The following CACNA1B variants were observed in gnomAD, a reference collection of about 807,000 sequenced individuals.
CACNA1B encodes the protein voltage-dependent N-type calcium channel subunit alpha-1B.
In CACNA1B, 70 loss-of-function variants were observed where a neutral mutation model predicts 247.2. The observed-to-expected ratio is 0.28, with a 90% confidence interval of 0.23 to 0.35. CACNA1B has a LOEUF of 0.35. Among genes scored for constraint, CACNA1B ranks in the 10% least tolerant of loss-of-function variants. The pLI is 1.00. For missense variants in CACNA1B, 2,367 were observed against 3,197.4 expected, an observed-to-expected ratio of 0.74 and a Z score of 6.26; for synonymous variants, 1,231 against 1,294.4, an observed-to-expected ratio of 0.95 and a Z score of 1.05.
rs1017060469 is a variant in CACNA1B at position 138,081,510 on chromosome 9, A to G, written c.5094+3252A>G. Among the ~76,000 whole-genome samples the G allele has an allele frequency of 1.8e-4, 26 of 144,218 alleles. 1 individual carries two copies. Among genetic ancestry groups the G allele is most frequent in the African/African-American group, 7.1e-4 (26 of 36,700 alleles). The allele number at this position is 144,218 out of a possible 152,430, so 94.6% of individuals were successfully genotyped here. On this transcript the variant is annotated intron_variant, in intron 36 of 46. Transcript: ENST00000371372. Reference sequence around the variant, plus strand: ...GAAAAAATGGGACTGTGAATTTGGGATGGGTGGCAGGACTTCGTTAGGTTG... The same window carrying G: ...GAAAAAATGGGACTGTGAATTTGGGGTGGGTGGCAGGACTTCGTTAGGTTG...
chr9:137,937,805 G>C (rs902412225), intron 6 of CACNA1B, among the ~76,000 whole-genome samples: 4 of 151,816 alleles, frequency 2.6e-5, no homozygotes, highest in African/African-American at 9.7e-5. Flanking sequence ...AAATTAGCTG[G>C]GAATGGTGGT....
chr9:138,053,818 C>A, intron 25 of CACNA1B, 28 bp from the exon 26 acceptor site: 1 of 1,591,794 alleles, frequency 6.3e-7, no homozygotes, highest in Non-Finnish European at 8.6e-7. Context: ...TCCACCCCCT[C>A]ATCATGGCTC....
chr9:138,117,589 C>A (rs1564296085), intron 42 of CACNA1B, among the ~76,000 whole-genome samples: 1 of 152,230 alleles, frequency 6.6e-6, no homozygotes, highest in Non-Finnish European at 1.5e-5. Flanking sequence ...TCCCACTTCA[C>A]AGATCAGCCT....
chr9:138,011,431 C>T lies in CACNA1B; in HGVS notation c.2160+1354C>T, dbSNP rs961336702. Among the ~76,000 whole-genome samples the T allele has an allele frequency of 6.6e-6, 1 of 152,144 alleles. No individual in the cohort carries two copies. The highest frequency in any genetic ancestry group is 2.4e-5 in the African/African-American group (1 of 41,424). On this transcript the variant is annotated intron_variant, in intron 17 of 46. Transcript: ENST00000371372. This position sits in a 1 kb window ranked among gnomAD's most constrained non-coding sequence, Gnocchi z 4.2. ...CTCTGAGGATCGGGGCCACTGGGGG[C>T]CTGTCTGTGTCTGGCTGTGGGCATT...
rs963159627 is a variant in CACNA1B at position 138,054,128 on chromosome 9, C to A, written c.3968+122C>A. The A allele has an allele frequency of 2.2e-6, 2 of 912,134 alleles. No homozygotes were observed. The highest frequency in any genetic ancestry group is 4.1e-5 in the Admixed American group (2 of 48,542). 56.5% of individuals were successfully genotyped at this position (912,134 alleles called of 1,614,324 possible). ...TGGGAGACTCCACTGCAGAGCATCA[C>A]GGACCCTGCCTGAGGGCCGAGGAGG... On this transcript the variant is annotated intron_variant, in intron 26 of 46. Coordinates refer to ENST00000371372, the MANE Select transcript of CACNA1B (RefSeq NM_000718.4). The surrounding 1 kb of genome is among the most constrained non-coding windows in gnomAD (Gnocchi z 4.6).
At chr9:137,947,904 C>A (rs985391995) in intron 6 of CACNA1B, among the ~76,000 whole-genome samples, 82 of 150,726 alleles carry the variant, frequency 5.4e-4, no homozygotes, top group African/African-American at 1.8e-3. Context: ...ATGTGTTTGC[C>A]TGGGGTTTGC....
Position 138,011,712 on chromosome 9 carries a change from G to A in CACNA1B, c.2161-1417G>A, listed in dbSNP as rs1354396747. ...CCTGGGTGTGGGTGTTTCACGCTGG[G>A]TCTGGCTTTGCCTCCTCTCTGGGCT... On this transcript the variant is annotated intron_variant, in intron 17 of 46. Transcript: ENST00000371372. This position sits in a 1 kb window ranked among gnomAD's most constrained non-coding sequence, Gnocchi z 4.2. Among the ~76,000 whole-genome samples the A allele has an allele frequency of 6.6e-6, 1 of 152,210 alleles. No homozygotes were observed. Among genetic ancestry groups the A allele is most frequent in the African/African-American group, 2.4e-5 (1 of 41,450 alleles).
chr9:137,879,399 G>T (rs983645547), intron 2 of CACNA1B, among the ~76,000 whole-genome samples: 2 of 152,244 alleles, frequency 1.3e-5, no homozygotes, highest in Non-Finnish European at 2.9e-5. Flanking sequence ...CCTGTGCCAC[G>T]AGCTACTCCT....
At chr9:138,118,907 G>A (rs1961973628) in intron 44 of CACNA1B, 139 bp downstream of exon 44, 1 of 598,998 alleles carries the variant, frequency 1.7e-6, no homozygotes, top group Non-Finnish European at 2.9e-6. Context: ...CTTTGCTGAG[G>A]CAGGAGCAGG....
intron 6 of CACNA1B, among the ~76,000 whole-genome samples, chr9:137,918,353 G>C (rs1019275790): frequency 2.6e-5 from 4 of 152,104 alleles, no homozygotes; most frequent in African/African-American, 9.7e-5. Flanking sequence ...TGTCCCCTCT[G>C]TGAGTCCTGT....
At chr9:138,115,801 C>T (rs2131368160) in intron 42 of CACNA1B, 122 bp downstream of exon 42, 2 of 1,038,262 alleles carry the variant, frequency 1.9e-6, no homozygotes, top group East Asian at 2.6e-5. Flanking sequence ...CTGGGTTCAC[C>T]AGCTTGGAGG....
At chr9:137,934,898 T>C (rs1010909023) in intron 6 of CACNA1B, among the ~76,000 whole-genome samples, 1 of 152,080 alleles carries the variant, frequency 6.6e-6, no homozygotes, top group African/African-American at 2.4e-5. Context: ...AAACCAACTC[T>C]GACAATATGA....
chr9:137,954,879 T>TGTGTGTGA lies in CACNA1B; in HGVS notation c.1071-818_1071-817insTGTGTGAG, dbSNP rs1440887333. Among the ~76,000 whole-genome samples, 1 of 145,194 alleles carries TGTGTGTGA rather than the reference T, an allele frequency of 6.9e-6. No individual in the cohort carries two copies. Among genetic ancestry groups the TGTGTGTGA allele is most frequent in the African/African-American group, 2.6e-5 (1 of 38,622 alleles). ...GCTTGTGTGTGTGTGTGTGTGTGTG[T>TGTGTGTGA]GAGAGAGAGAGAGAGAGAGAGAGGG... On this transcript the variant is annotated intron_variant, in intron 7 of 46. Transcript: ENST00000371372. This position sits in a 1 kb window ranked among gnomAD's most constrained non-coding sequence, Gnocchi z 4.1.
At chr9:137,997,166 G>C (rs1033184172) in intron 15 of CACNA1B, among the ~76,000 whole-genome samples, 1 of 152,186 alleles carries the variant, frequency 6.6e-6, no homozygotes, top group South Asian at 2.1e-4. Flanking sequence ...CAGAGTTGCC[G>C]ATGGCTGAAA....
Position 137,917,454 on chromosome 9 carries a change from G to T in CACNA1B, c.966+23G>T. 6.2e-7 allele frequency: 1 copy of T among 1,606,280 alleles called. No individual in the cohort carries two copies. The highest frequency in any genetic ancestry group is 8.5e-7 in the Non-Finnish European group (1 of 1,175,170). On this transcript the variant is annotated intron_variant, in intron 6 of 46. Transcript: ENST00000371372. This position sits in a 1 kb window ranked among gnomAD's most constrained non-coding sequence, Gnocchi z 5.5. ...AATGTGAGTGGCGTCTTGGCCCTGG[G>T]CCTGAGGGCAGGCCCTGGACCTCCT...
rs543748938 is a variant in CACNA1B at position 138,011,055 on chromosome 9, C to T, written c.2160+978C>T. On this transcript the variant is annotated intron_variant, in intron 17 of 46. Transcript: ENST00000371372. The surrounding 1 kb of genome is among the most constrained non-coding windows in gnomAD (Gnocchi z 4.2). ...TTTGCTTCTGCTCAGCCTTCTTACT[C>T]CCACGCCTCCAGACCTGGGCCATGG... Among the ~76,000 whole-genome samples the T allele has an allele frequency of 6.6e-6, 1 of 152,218 alleles. No homozygotes were observed.
In CACNA1B at chr9:138,054,011, A is replaced by C. The variant is rs1239010733; in HGVS notation, c.3968+5A>C. On this transcript the variant is annotated splice_donor_5th_base_variant and intron_variant, in intron 26 of 46. Transcript: ENST00000371372. This position sits in a 1 kb window ranked among gnomAD's most constrained non-coding sequence, Gnocchi z 4.6. ...GGAGCTGGAGAGGGACTGCAGGTAAACTGAGGCAGGGTGCAAGGTGGGACA... is the reference window on the plus strand; with the variant it reads ...GGAGCTGGAGAGGGACTGCAGGTAACCTGAGGCAGGGTGCAAGGTGGGACA... 1 of 1,613,752 alleles carries C rather than the reference A, an allele frequency of 6.2e-7. No individual in the cohort carries two copies. The highest frequency in any genetic ancestry group is 1.7e-5 in the Admixed American group (1 of 60,022).
chr9:137,946,708 G>C (rs1465596151), intron 6 of CACNA1B, among the ~76,000 whole-genome samples: 1 of 152,210 alleles, frequency 6.6e-6, no homozygotes, highest in Non-Finnish European at 1.5e-5. Flanking sequence ...AGTGGCCCCA[G>C]CCAGAGACCT....
At chr9:137,926,466 C>T (rs1024151484) in intron 6 of CACNA1B, among the ~76,000 whole-genome samples, 8 of 152,232 alleles carry the variant, frequency 5.3e-5, no homozygotes, top group African/African-American at 1.7e-4. Context: ...CATGTTTTAA[C>T]TCTTACGAAG....
Sources: gnomAD v4.1 joint callset for allele counts (sites outside exome capture counted in the v4.1 genomes callset) on GRCh38, gnomAD v4.1.1 for gene constraint, Gnocchi (gnomAD v3.1) non-coding constraint, MANE v1.5 for transcripts, NCBI Gene and HGNC (gene_info 2026-07-23, HGNC 2026-07-21) for gene names.